GPR89B: variants seen among roughly 807,000 people sequenced by gnomAD.
The protein encoded by GPR89B is G protein-coupled receptor 89B.
GPR89B carries 25 observed loss-of-function variants against 52.4 expected under a neutral mutation model. That is an observed-to-expected ratio of 0.48 (90% CI 0.35 to 0.67). The LOEUF (loss-of-function observed/expected upper bound fraction) is 0.67, where lower values mean the gene tolerates loss of function less well. Ranked by LOEUF, GPR89B falls within the 30% of genes least tolerant of loss-of-function variation. The pLI is 0.01. For synonymous variants in GPR89B, 52 were observed against 151.2 expected (o/e 0.34, Z 4.81); for missense variants, 146 against 450.2 (o/e 0.32, Z 6.11).
downstream of GPR89B, among the ~76,000 whole-genome samples, chr1:147,997,124 G>T (rs1659332628): frequency 6.6e-6 from 1 of 152,176 alleles, no homozygotes; most frequent in Non-Finnish European, 1.5e-5. Flanking sequence ...TGACTGACTA[G>T]CCGGTACCTC....
chr1:147,955,551 C>G (rs1284754463), intron 7 of GPR89B, among the ~76,000 whole-genome samples: 1 of 152,048 alleles, frequency 6.6e-6, no homozygotes, highest in African/African-American at 2.4e-5. Flanking sequence ...CTTTTCTCAG[C>G]ATCCACACCA....
At chr1:147,981,398 A>T (rs1405439213) in intron 10 of GPR89B, among the ~76,000 whole-genome samples, 1 of 149,076 alleles carries the variant, frequency 6.7e-6, no homozygotes. Context: ...GCTACTCGGG[A>T]GGCTGAGGCG....
chr1:147,945,190 A>T lies in GPR89B; in HGVS notation c.415+1092A>T, dbSNP rs587759788. Among the ~76,000 whole-genome samples the T allele has an allele frequency of 1.9e-4, 27 of 140,404 alleles. No homozygotes were observed. In the South Asian group the frequency reaches 3.5e-3, roughly 18 times the overall value. 92.1% of individuals were successfully genotyped at this position (140,404 alleles called of 152,430 possible). Reference sequence around the variant, plus strand: ...TCAGTCCCAGCTGTTTGAGCTCCTAAGTGCTATCACCACCCCTACATTGTT... The same window carrying T: ...TCAGTCCCAGCTGTTTGAGCTCCTATGTGCTATCACCACCCCTACATTGTT... On this transcript the variant is annotated intron_variant, in intron 5 of 13. Coordinates refer to ENST00000314163, the MANE Select transcript of GPR89B (RefSeq NM_016334.5).
chr1:148,003,210 C>T, the GPR89B span, among the ~76,000 whole-genome samples: 10 of 152,138 alleles, frequency 6.6e-5, no homozygotes, highest in African/African-American at 2.4e-4. Context: ...AACTTATGGG[C>T]GAATAGCAGT....
At chr1:148,006,301 C>T in the GPR89B span, among the ~76,000 whole-genome samples, 13 of 151,290 alleles carry the variant, frequency 8.6e-5, no homozygotes, top group African/African-American at 2.9e-4. Flanking sequence ...CCATTCTCTC[C>T]TCTTCAGTTT....
At chr1:147,996,985 A>G (rs1296217694), downstream of GPR89B, among the ~76,000 whole-genome samples, 16 of 151,756 alleles carry the variant, frequency 1.1e-4, no homozygotes, top group African/African-American at 3.9e-4. Flanking sequence ...TGAACATAAA[A>G]GCAGTATAGG....
rs373725080 is a variant in GPR89B, at chr1:147,928,458, G to T, written c.-79G>T. 2.6e-6 allele frequency: 4 copies of T among 1,567,302 alleles called. No individual in the cohort carries two copies. The highest frequency in any genetic ancestry group is 3.5e-6 in the Non-Finnish European group (4 of 1,139,242). On this transcript the variant is annotated 5_prime_UTR_variant, in exon 1 of 14. Transcript: ENST00000314163. Reference sequence around the variant, plus strand: ...CAGCACCTGGGAGAAGGCAGACCGTGTGAGGGGGCCTGTGGCCCCAGCGTG... The same window carrying T: ...CAGCACCTGGGAGAAGGCAGACCGTTTGAGGGGGCCTGTGGCCCCAGCGTG...
At chr1:147,990,666 T>C (rs1271203208) in intron 12 of GPR89B, among the ~76,000 whole-genome samples, 2 of 152,156 alleles carry the variant, frequency 1.3e-5, no homozygotes, top group Non-Finnish European at 2.9e-5. Context: ...TTTCTACATA[T>C]GGCTAGCCAG....
chr1:148,003,835 C>G, the GPR89B span: 3 of 586,358 alleles, frequency 5.1e-6, no homozygotes, highest in Non-Finnish European at 9.0e-6. Context: ...CCATTGCTTC[C>G]TTTCTTCATC....
the GPR89B span, among the ~76,000 whole-genome samples, chr1:148,001,691 G>C: frequency 6.6e-6 from 1 of 150,656 alleles, no homozygotes; most frequent in Non-Finnish European, 1.5e-5. Context: ...ATCTAGGCTC[G>C]TTTCCTGCTC....
chr1:148,009,568 C>T, the GPR89B span: 445 of 1,535,314 alleles, frequency 2.9e-4, 3 homozygotes, highest in South Asian at 4.6e-3. Context: ...ACTGAATTCC[C>T]ACTCTTTCTG....
intron 7 of GPR89B, among the ~76,000 whole-genome samples, chr1:147,963,857 G>A (rs1656823767): frequency 6.6e-6 from 1 of 152,100 alleles, no homozygotes; most frequent in Non-Finnish European, 1.5e-5. Flanking sequence ...CCAGAGAAAT[G>A]AAGATTTATA....
At chr1:147,949,770 C>G (rs1258621681) in intron 5 of GPR89B, among the ~76,000 whole-genome samples, 1 of 145,284 alleles carries the variant, frequency 6.9e-6, no homozygotes, top group Non-Finnish European at 1.5e-5. Flanking sequence ...CCCTCACCTC[C>G]CGGAGAGACG....
In GPR89B at chr1:147,959,891, A is replaced by G. The variant is rs1424894315; in HGVS notation, c.617+5489A>G. Among the ~76,000 whole-genome samples, 344 of 150,896 alleles carry G rather than the reference A, an allele frequency of 2.3e-3. 1 individual carries two copies. Among genetic ancestry groups the G allele is most frequent in the African/African-American group, 8.0e-3 (329 of 40,876 alleles). On this transcript the variant is annotated intron_variant, in intron 7 of 13. Transcript: ENST00000314163. Reference sequence around the variant, plus strand: ...ACACAGTTTGGATGACAGAAAGTGAAAGCTTTTCTGGCTTGAGGTGTCAGA... The same window carrying G: ...ACACAGTTTGGATGACAGAAAGTGAGAGCTTTTCTGGCTTGAGGTGTCAGA...
intron 12 of GPR89B, among the ~76,000 whole-genome samples, chr1:147,991,442 C>T (rs1326710497): frequency 6.6e-6 from 1 of 152,136 alleles, no homozygotes; most frequent in Non-Finnish European, 1.5e-5. Flanking sequence ...TCCTTTATTT[C>T]TTTCTCCTGT....
Position 147,970,189 on chromosome 1 carries a change from T to A in GPR89B, c.909+230T>A, listed in dbSNP as rs1571290907. Among the ~76,000 whole-genome samples the A allele has an allele frequency of 2.0e-5, 3 of 151,940 alleles. No homozygotes were observed. The East Asian group carries it at 5.8e-4, about 29-fold the overall frequency. ...TCTGTCAGAAATTGTTAATAAGGCC[T>A]TAGTTTATGAAATATCTAAATTGAG... is the stretch of plus-strand genomic sequence containing the variant. On this transcript the variant is annotated intron_variant, in intron 10 of 13. Coordinates refer to ENST00000314163, the MANE Select transcript of GPR89B (RefSeq NM_016334.5).
At chr1:148,018,429 AAAAG>A in the GPR89B span, among the ~76,000 whole-genome samples, 3 of 149,920 alleles carry the variant, frequency 2.0e-5, no homozygotes, top group African/African-American at 5.0e-5. Flanking sequence ...AAAAAAAAAA[AAAAG>A]AAAGAAAAGA....
At chr1:148,009,530 G>A in the GPR89B span, 11 of 1,573,262 alleles carry the variant, frequency 7.0e-6, no homozygotes, top group Non-Finnish European at 9.6e-6. Context: ...CTTTCTCATA[G>A]GAATCCCCAT....
At chr1:147,991,827 T>C (rs1181972625) in intron 12 of GPR89B, among the ~76,000 whole-genome samples, 1 of 152,170 alleles carries the variant, frequency 6.6e-6, no homozygotes, top group African/African-American at 2.4e-5. Context: ...AGCTTTTTGA[T>C]GTGCCGCTGG....
Sources: allele counts gnomAD v4.1 joint callset (sites outside exome capture counted in the v4.1 genomes callset), GRCh38; gene constraint gnomAD v4.1.1; transcripts MANE v1.5; gene names NCBI Gene and HGNC (gene_info 2026-07-23, HGNC 2026-07-21).